OXA1L: variants seen among roughly 807,000 people sequenced by gnomAD.
The protein encoded by OXA1L is mitochondrial inner membrane protein OXA1L.
Under a neutral mutation model 52.2 loss-of-function variants are expected in OXA1L, and 42 were observed. That is an observed-to-expected ratio of 0.80 (90% CI 0.63 to 1.04). The LOEUF (loss-of-function observed/expected upper bound fraction) is 1.04. Among genes scored for constraint, OXA1L ranks in the 50% least tolerant of loss-of-function variants. The probability of loss-of-function intolerance (pLI) is 0.00; values close to 1 mark genes in which losing one functional copy is unlikely to be tolerated. For missense variants in OXA1L, 572 were observed against 555.0 expected (o/e 1.03, Z -0.31); for synonymous variants, 239 against 201.9 (o/e 1.18, Z -1.56).
In OXA1L at chr14:22,771,078, C is replaced by A; in HGVS notation, c.1000C>A (p.Arg334=). The A allele has an allele frequency of 2.5e-6, 4 of 1,614,116 alleles. No individual in the cohort carries two copies. The highest frequency in any genetic ancestry group is 3.4e-6 in the Non-Finnish European group (4 of 1,180,006). The change falls in exon 8 of 10, where the codon CGG becomes AGG. Residue 334 remains arginine, a synonymous_variant. Coordinates refer to ENST00000612549, the MANE Select transcript of OXA1L (RefSeq NM_005015.5). The stretch of plus-strand genomic sequence containing the variant: ...TTCCCTGGTCCAAGTATCCTGTCTC[C>A]GGATTCCAGCAGTACGCACTGTACT... ...LFSLVQVSCL[R]IPAVRTVLKI...
chr14:22,766,883 C>T (rs1375634616), intron 1 of OXA1L, 119 bp downstream of exon 1: 2 of 1,550,440 alleles, frequency 1.3e-6, no homozygotes, highest in Admixed American at 1.9e-5. Context: ...ACCTGAATGT[C>T]ATGACCTCGG....
chr14:22,768,076 G>A lies in OXA1L; in HGVS notation c.344G>A (p.Gly115Glu). The change falls in exon 3 of 10, where the codon GGG becomes GAG. Residue 115 changes from glycine to glutamate, a missense_variant. Gly to Glu is a moderately conservative substitution (Grantham distance 98). Transcript: ENST00000612549. ...GCAGAGCAGAGCTTCGCTGAACTGGGGCTGGGGTCATACACCCCAGTGGGA... is the reference window on the plus strand; with the variant it reads ...GCAGAGCAGAGCTTCGCTGAACTGGAGCTGGGGTCATACACCCCAGTGGGA... The part of the protein sequence containing the change: ...TAAEQSFAEL[G>E]LGSYTPVGLI... 6.2e-7 allele frequency: 1 copy of A among 1,613,992 alleles called. No homozygotes were observed. The highest frequency in any genetic ancestry group is 8.5e-7 in the Non-Finnish European group (1 of 1,179,832).
At position 22,770,551 on chromosome 14, in the gene OXA1L, C is replaced by T; in HGVS notation, c.760C>T (p.Gln254Ter). 1 of 1,614,146 alleles carries T rather than the reference C, an allele frequency of 6.2e-7. No homozygotes were observed. Among genetic ancestry groups the T allele is most frequent in the Non-Finnish European group, 8.5e-7 (1 of 1,180,002 alleles). Reference protein sequence around the residue: ...SLQTGGLWWFQDLTVSDPIYI... With the variant: ...SLQTGGLWWF Reference sequence around the variant, plus strand: ...GCAGACAGGTGGCCTCTGGTGGTTCCAGGATCTCACGGTATCCGATCCCAT... The same window carrying T: ...GCAGACAGGTGGCCTCTGGTGGTTCTAGGATCTCACGGTATCCGATCCCAT... The change falls in exon 6 of 10, where the codon CAG (glutamine) becomes TAG (stop). Residue 254 changes from glutamine to a stop codon, truncating the protein, a stop_gained. Transcript: ENST00000612549. LOFTEE classifies it high-confidence loss of function.
At position 22,771,497 on chromosome 14, in the gene OXA1L, A is replaced by G. The variant is rs1421473138; in HGVS notation, c.1247A>G (p.Asn416Ser). ...LLQPGKDNPP[N>S]IPSSSSKPKS... Reference sequence around the variant, plus strand: ...CAACCTGGAAAGGATAACCCTCCCAATATCCCTAGCAGCAGCAGCAAACCA... The same window carrying G: ...CAACCTGGAAAGGATAACCCTCCCAGTATCCCTAGCAGCAGCAGCAAACCA... The change falls in exon 10 of 10, where the codon AAT becomes AGT. Residue 416 changes from asparagine to serine, a missense_variant. Coordinates refer to ENST00000612549, the MANE Select transcript of OXA1L (RefSeq NM_005015.5). 3 of 1,606,118 alleles carry G rather than the reference A, an allele frequency of 1.9e-6. No homozygotes were observed. The highest frequency in any genetic ancestry group is 1.4e-5 in the African/African-American group (1 of 73,332).
chr14:22,771,115 A>C lies in OXA1L; in HGVS notation c.1037A>C (p.Gln346Pro), dbSNP rs1196672125. 16 of 1,614,014 alleles carry C rather than the reference A, an allele frequency of 9.9e-6. No homozygotes were observed. Among genetic ancestry groups the C allele is most frequent in the Non-Finnish European group, 1.3e-5 (15 of 1,180,018 alleles). The change falls in exon 8 of 10, where the codon CAG becomes CCG. Residue 346 changes from glutamine (Q) to proline (P), a missense_variant. Physicochemically the swap from Gln to Pro is moderately conservative, Grantham distance 76. Transcript: ENST00000612549. ...PAVRTVLKIP[Q>P]RVVHDLDKLP... The stretch of plus-strand genomic sequence containing the variant: ...GTACGCACTGTACTTAAAATCCCCC[A>C]GCGTGTTGTACATGACCTGGACAAA...
Position 22,770,231 on chromosome 14 carries a change from AAAC to A in OXA1L, c.624_626del (p.Lys208_His209delinsAsn), listed in dbSNP as rs758793757. On this transcript the variant is annotated inframe_deletion, in exon 5 of 10. Transcript: ENST00000612549. ...CTCGGAGATGGCACTTTACCAGAAA[AAAC>A]ATGGTATTAAACTCTATAAACCTCT... is the stretch of plus-strand genomic sequence containing the variant. 1 of 1,612,784 alleles carries A rather than the reference AAAC, an allele frequency of 6.2e-7. No homozygotes were observed. Among genetic ancestry groups the A allele is most frequent in the East Asian group, 2.2e-5 (1 of 44,880 alleles).
chr14:22,768,833 A>C (rs898866525), intron 3 of OXA1L: 1 of 152,454 alleles, frequency 6.6e-6, no homozygotes, highest in Non-Finnish European at 1.5e-5. Flanking sequence ...GCAAGGTGTA[A>C]TAATCACATT....
intron 2 of OXA1L, 84 bp from the exon 3 acceptor site, chr14:22,767,874 C>A: frequency 9.5e-7 from 1 of 1,048,358 alleles, no homozygotes; most frequent in Non-Finnish European, 1.4e-6. Context: ...GAGAACAGAA[C>A]CCAGTACTGG....
chr14:22,771,625 T>G lies in OXA1L; in HGVS notation c.*67T>G. On this transcript the variant is annotated 3_prime_UTR_variant, in exon 10 of 10. Coordinates refer to ENST00000612549, the MANE Select transcript of OXA1L (RefSeq NM_005015.5). Reference sequence around the variant, plus strand: ...AGAGACTCATCCTCAAAACAAGACTTGACACTGTGTCCTTGCCCCAGTCCT... The same window carrying G: ...AGAGACTCATCCTCAAAACAAGACTGGACACTGTGTCCTTGCCCCAGTCCT... The G allele has an allele frequency of 6.5e-7, 1 of 1,532,852 alleles. No individual in the cohort carries two copies. Among genetic ancestry groups the G allele is most frequent in the Non-Finnish European group, 9.0e-7 (1 of 1,108,076 alleles). The allele number at this position is 1,532,852 out of a possible 1,614,324, so 95.0% of individuals were successfully genotyped here. A position where few individuals can be genotyped will look rare whatever the true frequency, so the allele number is the denominator to read the frequency against.
chr14:22,770,544 G>C lies in OXA1L; in HGVS notation c.753G>C (p.Trp251Cys). The change falls in exon 6 of 10, where the codon TGG (tryptophan) becomes TGC (cysteine). Residue 251 changes from tryptophan to cysteine, a missense_variant. By Grantham distance (215) the Trp-to-Cys change is radical. Transcript: ENST00000612549. Reference sequence around the variant, plus strand: ...CCAGCCTGCAGACAGGTGGCCTCTGGTGGTTCCAGGATCTCACGGTATCCG... The same window carrying C: ...CCAGCCTGCAGACAGGTGGCCTCTGCTGGTTCCAGGATCTCACGGTATCCG... ...PVPSLQTGGL[W>C]WFQDLTVSDP... 1 of 1,614,164 alleles carries C rather than the reference G, an allele frequency of 6.2e-7. No individual in the cohort carries two copies. Among genetic ancestry groups the C allele is most frequent in the Non-Finnish European group, 8.5e-7 (1 of 1,180,010 alleles).
rs770661468 is a variant in OXA1L, at chr14:22,771,269, C to T, written c.1104C>T (p.Gly368=). Residue 368 remains glycine (G), a splice_region_variant and synonymous_variant, in exon 9 of 10, where the codon GGC becomes GGT. Coordinates refer to ENST00000612549, the MANE Select transcript of OXA1L (RefSeq NM_005015.5). Reference sequence around the variant, plus strand: ...ACTCTCTTGCTTCTCTTTACACAGGCTGGAAAAATGCTGAAATGACGCGTC... The same window carrying T: ...ACTCTCTTGCTTCTCTTTACACAGGTTGGAAAAATGCTGAAATGACGCGTC... ...REGFLESFKK[G]WKNAEMTRQL... The T allele has an allele frequency of 1.9e-6, 3 of 1,614,068 alleles. No homozygotes were observed. Among genetic ancestry groups the T allele is most frequent in the East Asian group, 4.5e-5 (2 of 44,882 alleles).
chr14:22,767,582 A>G (rs1322890990), intron 2 of OXA1L, 173 bp downstream of exon 2: 1 of 585,548 alleles, frequency 1.7e-6, no homozygotes, highest in African/African-American at 1.9e-5. Flanking sequence ...CAGTGGGGAA[A>G]TGATTGAAAG....
At position 22,771,543 on chromosome 14, in the gene OXA1L, C is replaced by G. The variant is rs780309786; in HGVS notation, c.1293C>G (p.His431Gln). The G allele has an allele frequency of 1.2e-6, 2 of 1,614,176 alleles. No individual in the cohort carries two copies. The highest frequency in any genetic ancestry group is 1.7e-5 in the Admixed American group (1 of 60,024). The change falls in exon 10 of 10, where the codon CAC becomes CAG. Residue 431 changes from histidine (H) to glutamine (Q), a missense_variant. Physicochemically the swap from His to Gln is conservative, Grantham distance 24 (BLOSUM62 0). Coordinates refer to ENST00000612549, the MANE Select transcript of OXA1L (RefSeq NM_005015.5). Reference protein sequence around the residue: ...SSKPKSKYPWHDTLG With the variant: ...SSKPKSKYPWQDTLG Reference sequence around the variant, plus strand: ...AACCAAAGTCAAAGTATCCCTGGCACGACACACTTGGCTGACTTATGTTCT... The same window carrying G: ...AACCAAAGTCAAAGTATCCCTGGCAGGACACACTTGGCTGACTTATGTTCT...
chr14:22,769,738 T>C, intron 3 of OXA1L, 53 bp from the exon 4 acceptor site: 1 of 1,604,854 alleles, frequency 6.2e-7, no homozygotes. Flanking sequence ...CCTTCAACCT[T>C]CTAGCTGCAG....
Position 22,771,258 on chromosome 14 carries a change from C to CT in OXA1L, c.1103-7dup. 1 of 1,613,982 alleles carries CT rather than the reference C, an allele frequency of 6.2e-7. No individual in the cohort carries two copies. Among genetic ancestry groups the CT allele is most frequent in the Non-Finnish European group, 8.5e-7 (1 of 1,179,860 alleles). On this transcript the variant is annotated splice_polypyrimidine_tract_variant and intron_variant, in intron 8 of 9. Coordinates refer to ENST00000612549, the MANE Select transcript of OXA1L (RefSeq NM_005015.5). Reference sequence around the variant, plus strand: ...GAATGCAACTGACTCTCTTGCTTCTCTTTACACAGGCTGGAAAAATGCTGA... The same window carrying CT: ...GAATGCAACTGACTCTCTTGCTTCTCTTTTACACAGGCTGGAAAAATGCTGA...
chr14:22,766,972 G>C (rs1276303675), intron 1 of OXA1L: 1 of 1,526,090 alleles, frequency 6.6e-7, no homozygotes, highest in Non-Finnish European at 8.8e-7. Flanking sequence ...AATTGGCTTG[G>C]CTCCTGGCGA....
chr14:22,767,018 T>TG, intron 1 of OXA1L: 1 of 1,535,696 alleles, frequency 6.5e-7, no homozygotes, highest in Non-Finnish European at 8.7e-7. Context: ...CCCTCCGATG[T>TG]GGGTCTGCGA....
chr14:22,771,590 C>G lies in OXA1L; in HGVS notation c.*32C>G. On this transcript the variant is annotated 3_prime_UTR_variant, in exon 10 of 10. Coordinates refer to ENST00000612549, the MANE Select transcript of OXA1L (RefSeq NM_005015.5). The stretch of plus-strand genomic sequence containing the variant: ...TTCTGTGCGCATTCTGGCAGGAATT[C>G]TGTCTCTTCAGAGACTCATCCTCAA... The G allele has an allele frequency of 6.2e-7, 1 of 1,612,826 alleles. No homozygotes were observed. Among genetic ancestry groups the G allele is most frequent in the Non-Finnish European group, 8.5e-7 (1 of 1,178,920 alleles).
rs1353937721 is a variant in OXA1L at position 22,771,489 on chromosome 14, C to T, written c.1239C>T (p.Asn413=). The part of the protein sequence containing the change: ...HNPLLQPGKD[N]PPNIPSSSSK... ...CTCTCCTACAACCTGGAAAGGATAA[C>T]CCTCCCAATATCCCTAGCAGCAGCA... Residue 413 remains asparagine (N), a synonymous_variant, in exon 10 of 10, where the codon AAC becomes AAT. Coordinates refer to ENST00000612549, the MANE Select transcript of OXA1L (RefSeq NM_005015.5). The T allele has an allele frequency of 6.2e-7, 1 of 1,610,510 alleles. No homozygotes were observed. The highest frequency in any genetic ancestry group is 1.7e-5 in the Admixed American group (1 of 59,574).
Sources: gnomAD v4.1 joint callset for allele counts on GRCh38, gnomAD v4.1.1 for gene constraint, MANE v1.5 for transcripts, NCBI Gene and HGNC (gene_info 2026-07-23, HGNC 2026-07-21) for gene names.